Variants in CCSER2 observed in about 807,000 individuals in gnomAD.
CCSER2 encodes the protein serine-rich coiled-coil domain-containing protein 2.
A neutral mutation model predicts 92.3 loss-of-function variants in CCSER2; 46 were observed. That is an observed-to-expected ratio of 0.50 (90% CI 0.39 to 0.64). The LOEUF (loss-of-function observed/expected upper bound fraction) is 0.64, where lower values mean the gene tolerates loss of function less well. Among genes scored for constraint, CCSER2 ranks in the 30% least tolerant of loss-of-function variants. The pLI is 0.00. For synonymous variants in CCSER2, 433 were observed against 431.4 expected (o/e 1.00, Z -0.04); for missense variants, 1,244 against 1,238.9 (o/e 1.00, Z -0.06).
At chr10:84,445,403 T>C (rs796566117) in intron 6 of CCSER2, among the ~76,000 whole-genome samples, 6 of 152,352 alleles carry the variant, frequency 3.9e-5, no homozygotes, top group African/African-American at 1.4e-4. Flanking sequence ...TCCACCCGCC[T>C]TGGCCTCCCA....
rs200528155 is a variant in CCSER2 at position 84,371,596 on chromosome 10, G to T, written c.544G>T (p.Ala182Ser). ...GAATGGATTTTATGGAAACCGATCA[G>T]CTGGTAGCATGCAAAGGCCTAGAGC... ...QLNGFYGNRS[A>S]GSMQRPRANS... The change falls in exon 2 of 10, where the codon GCT (alanine) becomes TCT (serine). Residue 182 changes from alanine (A) to serine (S), a missense_variant. Physicochemically the swap from Ala to Ser is moderately conservative, Grantham distance 99. Coordinates refer to ENST00000372088, the MANE Select transcript of CCSER2 (RefSeq NM_001284240.2). The T allele has an allele frequency of 6.2e-7, 1 of 1,613,752 alleles. No individual in the cohort carries two copies. Among genetic ancestry groups the T allele is most frequent in the Non-Finnish European group, 8.5e-7 (1 of 1,179,834 alleles).
In CCSER2 at chr10:84,513,922, G is replaced by A. The variant is rs1354193121; in HGVS notation, c.2799G>A (p.Pro933=). Reference sequence around the variant, plus strand: ...CATCCATATTGAGTTCTTTGGTACCGCCTCCAGTTTCTGAATCATCTCCAA... The same window carrying A: ...CATCCATATTGAGTTCTTTGGTACCACCTCCAGTTTCTGAATCATCTCCAA... ...LKPSILSSLV[P]PPVSESSPSR... is the part of the protein sequence containing the mutation. Residue 933 remains proline, a synonymous_variant, in exon 10 of 10, where the codon CCG becomes CCA. Transcript: ENST00000372088. The A allele has an allele frequency of 5.9e-6, 9 of 1,536,470 alleles. No individual in the cohort carries two copies. The highest frequency in any genetic ancestry group is 3.9e-5 in the Admixed American group (2 of 50,982).
chr10:84,415,396 G>A (rs1221512126), intron 3 of CCSER2, among the ~76,000 whole-genome samples: 4 of 152,106 alleles, frequency 2.6e-5, no homozygotes, highest in African/African-American at 7.2e-5. Context: ...TAACAGTCAC[G>A]CTACTCCTCC....
At chr10:84,458,997 A>G (rs1489124997) in intron 6 of CCSER2, among the ~76,000 whole-genome samples, 1 of 151,864 alleles carries the variant, frequency 6.6e-6, no homozygotes, top group African/African-American at 2.4e-5. Flanking sequence ...AAATTCATGT[A>G]CTAGTTCTAG....
chr10:84,508,581 GAGAGAAGAA>G (rs1849189339), intron 9 of CCSER2, among the ~76,000 whole-genome samples: 1 of 152,094 alleles, frequency 6.6e-6, no homozygotes, highest in African/African-American at 2.4e-5. Flanking sequence ...CTCCTTTGTA[GAGAGAAGAA>G]AGTTCTCTCT....
chr10:84,396,258 TATA>T (rs1308311570), intron 3 of CCSER2, among the ~76,000 whole-genome samples: 1 of 149,886 alleles, frequency 6.7e-6, no homozygotes, highest in East Asian at 1.9e-4. Context: ...TAGTTATAGA[TATA>T]GTATATATAG....
At chr10:84,455,673 T>A in intron 6 of CCSER2, 1 of 716,080 alleles carries the variant, frequency 1.4e-6, no homozygotes, top group Non-Finnish European at 2.6e-6. Context: ...TTGTTCACAG[T>A]CATGGAGTAA....
At chr10:84,509,472 AT>A (rs1287154658) in intron 9 of CCSER2, among the ~76,000 whole-genome samples, 3 of 152,290 alleles carry the variant, frequency 2.0e-5, no homozygotes, top group Middle Eastern at 3.4e-3. Context: ...TACAATTATC[AT>A]TAAAGATGTC....
At chr10:84,334,930 A>C (rs1331676646) in intron 1 of CCSER2, among the ~76,000 whole-genome samples, 3 of 152,192 alleles carry the variant, frequency 2.0e-5, no homozygotes, top group African/African-American at 7.2e-5. Context: ...AAGGGAAAAG[A>C]GAAAAAGCAT....
At chr10:84,486,780 G>A (rs190070101) in intron 9 of CCSER2, among the ~76,000 whole-genome samples, 112 of 152,248 alleles carry the variant, frequency 7.4e-4, no homozygotes, top group African/African-American at 2.6e-3. Flanking sequence ...AGCTTTTATT[G>A]CCATTGCTTT....
intron 2 of CCSER2, among the ~76,000 whole-genome samples, chr10:84,373,143 A>G (rs1490423701): frequency 6.6e-6 from 1 of 152,118 alleles, no homozygotes; most frequent in Non-Finnish European, 1.5e-5. Flanking sequence ...AGGGGACTAG[A>G]TCGTGCATAG....
chr10:84,455,865 C>G, intron 6 of CCSER2: 1 of 732,240 alleles, frequency 1.4e-6, no homozygotes, highest in Non-Finnish European at 2.6e-6. Context: ...ACGGGAGCAA[C>G]CACAGCATCT....
chr10:84,367,655 C>T (rs1035683249), intron 1 of CCSER2, among the ~76,000 whole-genome samples: 1 of 151,784 alleles, frequency 6.6e-6, no homozygotes, highest in Non-Finnish European at 1.5e-5. Flanking sequence ...ACTCTTGTTA[C>T]CTTAAGATTT....
intron 7 of CCSER2, among the ~76,000 whole-genome samples, chr10:84,468,929 T>C (rs1190276771): frequency 1.3e-5 from 2 of 152,166 alleles, no homozygotes; most frequent in East Asian, 1.9e-4. Flanking sequence ...GTTAATTACA[T>C]TGGGTATTTC....
chr10:84,333,200 T>G (rs779430592), intron 1 of CCSER2, among the ~76,000 whole-genome samples: 7 of 152,196 alleles, frequency 4.6e-5, no homozygotes, highest in Non-Finnish European at 7.3e-5. Flanking sequence ...CTCTTATTGC[T>G]AATCATTCTA....
rs1320310675 is a variant in CCSER2 at position 84,513,450 on chromosome 10, C to A, written c.2327C>A (p.Pro776His). 3.1e-6 allele frequency: 5 copies of A among 1,590,760 alleles called. No homozygotes were observed. The highest frequency in any genetic ancestry group is 4.3e-6 in the Non-Finnish European group (5 of 1,169,238). Residue 776 changes from proline to histidine, a missense_variant and splice_region_variant, in exon 10 of 10, where the codon CCT becomes CAT. Physicochemically the swap from Pro to His is moderately conservative, Grantham distance 77 (BLOSUM62 -2). Transcript: ENST00000372088. ...TAATGTTGTTTTTAATTTTAACAGC[C>A]TCAAGTACTACAGCCTTCCAGCAGC... ...YTQTPWRRIP[P>H]QVLQPSSSLP...
In CCSER2 at chr10:84,502,367, CTTTTT is replaced by C. The variant is rs562377515; in HGVS notation, c.2326-11065_2326-11061del. Among the ~76,000 whole-genome samples, 14 of 111,262 alleles carry C rather than the reference CTTTTT, an allele frequency of 1.3e-4. No homozygotes were observed. The South Asian group carries it at 1.4e-3, about 11-fold the overall frequency. The allele number at this position is 111,262 out of a possible 152,430, so 73.0% of individuals were successfully genotyped here. A position where few individuals can be genotyped will look rare whatever the true frequency, so the allele number is the denominator to read the frequency against. On this transcript the variant is annotated intron_variant, in intron 9 of 9. Transcript: ENST00000372088. ...TCATTAAAAAGTTCTTTGATGACTT[CTTTTT>C]TTTTTTTTTTTTTTTTGAGACAAGA...
chr10:84,398,988 CAG>C (rs1841980589), intron 3 of CCSER2, among the ~76,000 whole-genome samples: 1 of 152,174 alleles, frequency 6.6e-6, no homozygotes, highest in South Asian at 2.1e-4. Flanking sequence ...TTGAGTTTTA[CAG>C]AGAGTTAGAG....
chr10:84,337,022 G>A (rs377213796), intron 1 of CCSER2, among the ~76,000 whole-genome samples: 1 of 152,152 alleles, frequency 6.6e-6, no homozygotes, highest in African/African-American at 2.4e-5. Flanking sequence ...GGGTTTTAGC[G>A]GGGGAAGTAA....
Sources: gnomAD v4.1 joint callset for allele counts (sites outside exome capture counted in the v4.1 genomes callset) on GRCh38, gnomAD v4.1.1 for gene constraint, MANE v1.5 for transcripts, NCBI Gene and HGNC (gene_info 2026-07-23, HGNC 2026-07-21) for gene names.